The following ACAA1 variants were observed in gnomAD, a reference collection of about 807,000 sequenced individuals.
The protein encoded by ACAA1 is acetyl-CoA acyltransferase 1.
In ACAA1, 44 loss-of-function variants were observed where a neutral mutation model predicts 48.8. The observed-to-expected ratio is 0.90, with a 90% CI of 0.71 to 1.16. The LOEUF is 1.16. ACAA1 is among the 50% of genes most tolerant of loss of function. The pLI is 0.00. For missense variants in ACAA1, 512 were observed against 562.3 expected (o/e 0.91, Z 0.90); for synonymous variants, 233 against 226.5 (o/e 1.03, Z -0.26).
At chr3:38,127,585 C>G (rs1286202070) in intron 7 of ACAA1, 4 of 604,132 alleles carry the variant, frequency 6.6e-6, no homozygotes, top group Non-Finnish European at 1.2e-5. Flanking sequence ...GGTGAACAGA[C>G]AGTAATAGAA....
At chr3:38,124,053 G>A (rs1700616748) in intron 11 of ACAA1, 1 of 151,644 alleles carries the variant, frequency 6.6e-6, no homozygotes, top group African/African-American at 2.4e-5. Flanking sequence ...GGATTTATTT[G>A]AGAAACAAAA....
At position 38,137,042 on chromosome 3, in the gene ACAA1, G is replaced by T. The variant is rs527905538; in HGVS notation, c.-7C>A. On this transcript the variant is annotated 5_prime_UTR_variant, in exon 1 of 12. In the 5' UTR this introduces an upstream ATG that the reference lacks. Coordinates refer to ENST00000333167, the MANE Select transcript of ACAA1 (RefSeq NM_001607.4). ...CTACCTGCAGCCTCTGCATTGCGCA[G>T]GTCAACCCTGCAGACCAGCCACCAG... 1.3e-6 allele frequency: 2 copies of T among 1,555,044 alleles called. No homozygotes were observed. Among genetic ancestry groups the T allele is most frequent in the Non-Finnish European group, 1.7e-6 (2 of 1,153,470 alleles).
In ACAA1 at chr3:38,127,486, C is replaced by T. The variant is rs917097985; in HGVS notation, c.626+300G>A. ...TGCCAGAGTCCCTAACATTGCTGGC[C>T]CCACACTCCAGGCTACAATGTCCAG... On this transcript the variant is annotated intron_variant, in intron 7 of 11. Coordinates refer to ENST00000333167, the MANE Select transcript of ACAA1 (RefSeq NM_001607.4). 9 of 442,238 alleles carry T rather than the reference C, an allele frequency of 2.0e-5. No individual in the cohort carries two copies. In the Admixed American group the frequency reaches 3.1e-4, roughly 15 times the overall value. The allele number at this position is 442,238 out of a possible 1,614,324, so 27.4% of individuals were successfully genotyped here. A position where few individuals can be genotyped will look rare whatever the true frequency, so the allele number is the denominator to read the frequency against.
intron 2 of ACAA1, among the ~76,000 whole-genome samples, chr3:38,134,890 A>G (rs1210298526): frequency 2.6e-5 from 4 of 151,774 alleles, no homozygotes; most frequent in African/African-American, 9.7e-5. Context: ...CCCCAGCCCG[A>G]CACCTGTAAA....
Position 38,126,043 on chromosome 3 carries a change from C to A in ACAA1, c.997+119G>T, listed in dbSNP as rs1700674827. On this transcript the variant is annotated intron_variant, in intron 9 of 11. Transcript: ENST00000333167. This position sits in a 1 kb window ranked among gnomAD's most constrained non-coding sequence, Gnocchi z 4.7. The stretch of plus-strand genomic sequence containing the variant: ...AAGGGCTTGAAGTATGGGACACTAG[C>A]CTGCCCCACCTCCACTCTGCAGCAC... The A allele has an allele frequency of 1.4e-6, 2 of 1,433,274 alleles. No homozygotes were observed. The highest frequency in any genetic ancestry group is 1.3e-5 in the South Asian group (1 of 78,936). The allele number at this position is 1,433,274 out of a possible 1,614,324, so 88.8% of individuals were successfully genotyped here.
At chr3:38,135,906 C>T (rs1700881760) in intron 2 of ACAA1, among the ~76,000 whole-genome samples, 1 of 152,284 alleles carries the variant, frequency 6.6e-6, no homozygotes, top group East Asian at 1.9e-4. Context: ...TAAGGTCTTT[C>T]CCTTCCCACT....
chr3:38,126,115 GC>G lies in ACAA1; in HGVS notation c.997+46del, dbSNP rs1559475337. On this transcript the variant is annotated intron_variant, in intron 9 of 11. Transcript: ENST00000333167. This position sits in a 1 kb window ranked among gnomAD's most constrained non-coding sequence, Gnocchi z 4.7. ...CCTGGCAACAGCATGCAGGGCAGCT[GC>G]AGGATCCAGGTGGGACCCAGATACT... 6.3e-7 allele frequency: 1 copy of G among 1,588,432 alleles called. No individual in the cohort carries two copies. The highest frequency in any genetic ancestry group is 8.6e-7 in the Non-Finnish European group (1 of 1,164,538).
In ACAA1 at chr3:38,136,696, AAGAGCAGCCGCAGTG is replaced by A. The variant is rs778081842; in HGVS notation, c.172-26_172-12del. The A allele has an allele frequency of 3.7e-6, 6 of 1,603,604 alleles. No homozygotes were observed. ...GTCGGGGGTGGTGTCCTGCAGCAGA[AAGAGCAGCCGCAGTG>A]ACCCCCACTCCCCCATGCCCACCCC... On this transcript the variant is annotated splice_polypyrimidine_tract_variant and intron_variant, in intron 1 of 11. Coordinates refer to ENST00000333167, the MANE Select transcript of ACAA1 (RefSeq NM_001607.4).
At chr3:38,133,377 TG>T (rs1700825137) in intron 3 of ACAA1, 1 of 152,442 alleles carries the variant, frequency 6.6e-6, no homozygotes, top group African/African-American at 2.4e-5. Flanking sequence ...CCTAGAGGGT[TG>T]TTTTCCTGTT....
Position 38,129,502 on chromosome 3 carries a change from G to C in ACAA1, c.447-114C>G. The C allele has an allele frequency of 1.3e-6, 1 of 796,630 alleles. No individual in the cohort carries two copies. Among genetic ancestry groups the C allele is most frequent in the East Asian group, 2.7e-5 (1 of 37,610 alleles). 49.3% of individuals were successfully genotyped at this position (796,630 alleles called of 1,614,324 possible). A position where few individuals can be genotyped will look rare whatever the true frequency, so the allele number is the denominator to read the frequency against. ...GGAAATAGCCAGGGAGCCCTAGGAAGACCAGTGGGCCTCTGGGAGTCACAG... is the reference window on the plus strand; with the variant it reads ...GGAAATAGCCAGGGAGCCCTAGGAACACCAGTGGGCCTCTGGGAGTCACAG... On this transcript the variant is annotated intron_variant, in intron 5 of 11. Transcript: ENST00000333167. The surrounding 1 kb of genome is among the most constrained non-coding windows in gnomAD (Gnocchi z 5.3).
chr3:38,129,524 A>G lies in ACAA1; in HGVS notation c.447-136T>C, dbSNP rs533589081. 1,123 of 675,494 alleles carry G rather than the reference A, an allele frequency of 1.7e-3. 7 individuals carry two copies. Among genetic ancestry groups the G allele is most frequent in the Non-Finnish European group, 1.7e-3 (668 of 399,646 alleles). The allele number at this position is 675,494 out of a possible 1,614,324, so 41.8% of individuals were successfully genotyped here. ...GAAGACCAGTGGGCCTCTGGGAGTC[A>G]CAGGCAGGGCACTTGGCCAGCAAGG... On this transcript the variant is annotated intron_variant, in intron 5 of 11. Coordinates refer to ENST00000333167, the MANE Select transcript of ACAA1 (RefSeq NM_001607.4). This position sits in a 1 kb window ranked among gnomAD's most constrained non-coding sequence, Gnocchi z 5.3.
intron 10 of ACAA1, 58 bp from the exon 11 acceptor site, chr3:38,125,768 C>T (rs1700667133): frequency 1.2e-6 from 2 of 1,613,998 alleles, no homozygotes; most frequent in Admixed American, 1.7e-5. Context: ...CACCACCTGC[C>T]CGCTCACTCC....
At chr3:38,134,834 G>T (rs1700857891) in intron 2 of ACAA1, among the ~76,000 whole-genome samples, 1 of 152,186 alleles carries the variant, frequency 6.6e-6, no homozygotes, top group Non-Finnish European at 1.5e-5. Flanking sequence ...CCCCCACTGA[G>T]ACAGCCTGAG....
intron 7 of ACAA1, 57 bp downstream of exon 7, chr3:38,127,729 T>C (rs1178662990): frequency 1.1e-5 from 18 of 1,571,404 alleles, no homozygotes; most frequent in African/African-American, 9.5e-5. Flanking sequence ...ACCACTTAGA[T>C]AGACTCAAAA....
At chr3:38,130,045 C>A (rs7640733) in intron 5 of ACAA1, among the ~76,000 whole-genome samples, 36,622 of 151,976 alleles carry the variant, frequency 0.24, 6,504 homozygotes, top group African/African-American at 0.5. Context: ...GTCTCAAAAA[C>A]ATAAATAAAT....
At chr3:38,128,444 C>G (rs1356443768) in intron 6 of ACAA1, among the ~76,000 whole-genome samples, 1 of 152,190 alleles carries the variant, frequency 6.6e-6, no homozygotes, top group Non-Finnish European at 1.5e-5. Context: ...CTTGGAGATA[C>G]AGTATGTGAA....
chr3:38,129,162 G>T lies in ACAA1; in HGVS notation c.545+128C>A. On this transcript the variant is annotated intron_variant, in intron 6 of 11. Coordinates refer to ENST00000333167, the MANE Select transcript of ACAA1 (RefSeq NM_001607.4). This position sits in a 1 kb window ranked among gnomAD's most constrained non-coding sequence, Gnocchi z 5.3. ...CAAGTCTCATCCCCAAAGTCCCTGCGGAGCAGACCATGCCCAAAGGAAGGA... is the reference window on the plus strand; with the variant it reads ...CAAGTCTCATCCCCAAAGTCCCTGCTGAGCAGACCATGCCCAAAGGAAGGA... 1.3e-6 allele frequency: 1 copy of T among 771,150 alleles called. No individual in the cohort carries two copies. Among genetic ancestry groups the T allele is most frequent in the Non-Finnish European group, 2.1e-6 (1 of 473,934 alleles). The allele number at this position is 771,150 out of a possible 1,614,324, so 47.8% of individuals were successfully genotyped here.
intron 4 of ACAA1, 132 bp from the exon 5 acceptor site, chr3:38,131,770 C>A: frequency 1.6e-6 from 2 of 1,276,408 alleles, no homozygotes; most frequent in South Asian, 2.4e-5. Flanking sequence ...CAGGAGTGTT[C>A]AGAAAAGGCT....
At chr3:38,127,716 C>T in intron 7 of ACAA1, 70 bp downstream of exon 7, 1 of 1,526,614 alleles carries the variant, frequency 6.6e-7, no homozygotes, top group South Asian at 1.1e-5. Context: ...GGTGCCACTT[C>T]AGACCACTTA....
Sources: allele counts gnomAD v4.1 joint callset (sites outside exome capture counted in the v4.1 genomes callset), GRCh38; gene constraint gnomAD v4.1.1; non-coding constraint Gnocchi (gnomAD v3.1); transcripts MANE v1.5; gene names NCBI Gene and HGNC (gene_info 2026-07-23, HGNC 2026-07-21).